The following UBR2 variants were observed in gnomAD, a reference collection of about 807,000 sequenced individuals.
UBR2 encodes ubiquitin protein ligase E3 component n-recognin 2.
A neutral mutation model predicts 247.9 loss-of-function variants in UBR2; 92 were observed. The ratio of observed to expected loss-of-function variants is 0.37; its 90% CI spans 0.31 to 0.44. The LOEUF (loss-of-function observed/expected upper bound fraction) is 0.44, where lower values mean the gene tolerates loss of function less well. UBR2 is among the 20% of genes least tolerant of loss of function. The pLI is 1.00. For missense variants in UBR2, 1,613 were observed against 2,112.6 expected (o/e 0.76, Z 4.64); for synonymous variants, 672 against 693.5 (o/e 0.97, Z 0.49).
chr6:42,624,213 T>A (rs1357798739), intron 11 of UBR2, among the ~76,000 whole-genome samples: 1 of 152,032 alleles, frequency 6.6e-6, no homozygotes, highest in African/African-American at 2.4e-5. Flanking sequence ...CGATCTCAGC[T>A]CACTGCAGCC....
chr6:42,692,917 G>A lies in UBR2; in HGVS notation c.*1744G>A, dbSNP rs423137. 41,598 of 151,938 alleles carry A rather than the reference G, an allele frequency of 0.27. 5,729 individuals are homozygous for A. Among genetic ancestry groups the A allele is most frequent in the Non-Finnish European group, 0.3 (20,066 of 67,960 alleles). 9.4% of individuals were successfully genotyped at this position (151,938 alleles called of 1,614,324 possible). ...GTCCACCTCTCTCCCCCTTTTTCTG[G>A]CCTTCATTCATAAGATCTGGTTGTT... On this transcript the variant is annotated 3_prime_UTR_variant, in exon 47 of 47. Transcript: ENST00000372901.
intron 11 of UBR2, chr6:42,619,482 T>G (rs1484673986): frequency 4.9e-6 from 1 of 205,066 alleles, no homozygotes; most frequent in Non-Finnish European, 8.9e-6. Flanking sequence ...CTATCTCTGC[T>G]GGGCGCAGTG....
rs1165282370 is a variant in UBR2, at chr6:42,679,803, T to C, written c.4689T>C (p.Asn1563=). ...ACCTCATTTGCCTTTTTCAAGAAAATAGTGAGATAATGAATTCACTGATTG... is the reference window on the plus strand; with the variant it reads ...ACCTCATTTGCCTTTTTCAAGAAAACAGTGAGATAATGAATTCACTGATTG... ...PNNLICLFQE[N]SEIMNSLIES... The change falls in exon 42 of 47, where the codon AAT becomes AAC. Residue 1563 remains asparagine (N), a synonymous_variant. Transcript: ENST00000372901. 3.1e-6 allele frequency: 5 copies of C among 1,611,370 alleles called. No homozygotes were observed. In the South Asian group the frequency reaches 4.4e-5, roughly 14 times the overall value.
intron 44 of UBR2, 113 bp from the exon 45 acceptor site, chr6:42,688,103 A>G (rs2151997803): frequency 1.6e-6 from 2 of 1,226,214 alleles, no homozygotes; most frequent in Non-Finnish European, 2.4e-6. Flanking sequence ...TAGGATATAC[A>G]CTTCTTTGGC....
chr6:42,674,672 G>A (rs1444712101), intron 38 of UBR2, among the ~76,000 whole-genome samples: 5 of 151,738 alleles, frequency 3.3e-5, no homozygotes, highest in Admixed American at 6.6e-5. Flanking sequence ...TGAGACAGGA[G>A]AATCACTTGA....
intron 32 of UBR2, 25 bp downstream of exon 32, chr6:42,663,444 T>G (rs773609375): frequency 1.3e-6 from 2 of 1,587,776 alleles, no homozygotes; most frequent in Admixed American, 3.6e-5. Flanking sequence ...ATGACAACTA[T>G]TACAAAGCAA....
At chr6:42,638,325 G>A (rs562340373) in intron 15 of UBR2, among the ~76,000 whole-genome samples, 6 of 151,928 alleles carry the variant, frequency 3.9e-5, no homozygotes, top group Non-Finnish European at 8.8e-5. Flanking sequence ...TAATGTACAT[G>A]GGGTCAGTAG....
chr6:42,687,444 G>A (rs536600124), intron 44 of UBR2, among the ~76,000 whole-genome samples: 1 of 152,242 alleles, frequency 6.6e-6, no homozygotes, highest in Non-Finnish European at 1.5e-5. Context: ...GTACAGTCCA[G>A]CCTCGGCTCG....
intron 39 of UBR2, 66 bp from the exon 40 acceptor site, chr6:42,676,717 G>A (rs978093687): frequency 1.4e-5 from 17 of 1,226,560 alleles, no homozygotes; most frequent in Non-Finnish European, 1.7e-5. Flanking sequence ...CATGCTTAAT[G>A]TCTTCAGTCC....
At chr6:42,681,736 T>C (rs1799068108) in intron 42 of UBR2, among the ~76,000 whole-genome samples, 2 of 152,156 alleles carry the variant, frequency 1.3e-5, no homozygotes, top group African/African-American at 4.8e-5. Context: ...ATTCAGCAAT[T>C]CCACTTCTAG....
intron 13 of UBR2, among the ~76,000 whole-genome samples, chr6:42,634,516 G>A (rs1237555398): frequency 1.3e-5 from 2 of 152,124 alleles, no homozygotes; most frequent in African/African-American, 2.4e-5. Flanking sequence ...GTGCAGTGGC[G>A]CGATCTTGGC....
At chr6:42,685,950 T>C (rs1562404818) in intron 44 of UBR2, among the ~76,000 whole-genome samples, 2 of 152,196 alleles carry the variant, frequency 1.3e-5, no homozygotes, top group African/African-American at 4.8e-5. Context: ...AGCTGTCTCT[T>C]CTCTGTTGCC....
chr6:42,617,875 G>A (rs1049121634), intron 11 of UBR2, among the ~76,000 whole-genome samples: 1 of 152,186 alleles, frequency 6.6e-6, no homozygotes, highest in Non-Finnish European at 1.5e-5. Context: ...CTCACAATTT[G>A]AGAAGTCCTC....
At chr6:42,606,694 T>C in intron 7 of UBR2, 43 bp downstream of exon 7, 1 of 1,478,682 alleles carries the variant, frequency 6.8e-7, no homozygotes, top group Non-Finnish European at 9.2e-7. Context: ...TTTATTAGTT[T>C]AAAACTAGCT....
chr6:42,635,343 C>T, intron 13 of UBR2, 75 bp from the exon 14 acceptor site: 12 of 1,420,582 alleles, frequency 8.4e-6, no homozygotes, highest in Non-Finnish European at 1.1e-5. Context: ...ATTTCTCCTA[C>T]ATTACTTCTT....
rs530181084 is a variant in UBR2 at position 42,650,120 on chromosome 6, A to G, written c.2463-164A>G. Among the ~76,000 whole-genome samples, 26 of 152,356 alleles carry G rather than the reference A, an allele frequency of 1.7e-4. No individual in the cohort carries two copies. The South Asian group carries it at 3.3e-3, about 19-fold the overall frequency. Reference sequence around the variant, plus strand: ...TGCTAAATAAAACAGATGCATGTAGAACTCGGATTTAGACTGCCAAATCAA... The same window carrying G: ...TGCTAAATAAAACAGATGCATGTAGGACTCGGATTTAGACTGCCAAATCAA... On this transcript the variant is annotated intron_variant, in intron 22 of 46. Coordinates refer to ENST00000372901, the MANE Select transcript of UBR2 (RefSeq NM_001363705.2).
intron 1 of UBR2, among the ~76,000 whole-genome samples, chr6:42,572,507 A>G (rs547257079): frequency 1.7e-4 from 26 of 150,940 alleles, no homozygotes; most frequent in Admixed American, 1.2e-3. Flanking sequence ...GTAGTAATCC[A>G]TAGGTAAACA....
At chr6:42,687,561 G>A (rs1196346171) in intron 44 of UBR2, among the ~76,000 whole-genome samples, 5 of 133,244 alleles carry the variant, frequency 3.8e-5, no homozygotes, top group African/African-American at 1.3e-4. Flanking sequence ...TATTTATTGA[G>A]ACAGGGTCTC....
At chr6:42,671,099 C>T (rs1056287564) in intron 36 of UBR2, among the ~76,000 whole-genome samples, 1 of 150,772 alleles carries the variant, frequency 6.6e-6, no homozygotes, top group East Asian at 2.0e-4. Flanking sequence ...GCAAGACAAT[C>T]GCTTGAACCC....
Sources: gnomAD v4.1 joint callset for allele counts (sites outside exome capture counted in the v4.1 genomes callset) on GRCh38, gnomAD v4.1.1 for gene constraint, MANE v1.5 for transcripts, NCBI Gene and HGNC (gene_info 2026-07-23, HGNC 2026-07-21) for gene names.